DLGAP1: variants seen among roughly 807,000 people sequenced by gnomAD.
DLGAP1 encodes disks large-associated protein 1.
Under a neutral mutation model 90.8 loss-of-function variants are expected in DLGAP1, and 11 were observed. The ratio of observed to expected loss-of-function variants is 0.12; its 90% CI spans 0.08 to 0.20. DLGAP1 has a LOEUF of 0.20. Among genes scored for constraint, DLGAP1 ranks in the 10% least tolerant of loss-of-function variants. The pLI is 1.00. For missense variants in DLGAP1, 1,050 were observed against 1,333.8 expected (o/e 0.79, Z 3.31); for synonymous variants, 558 against 540.7 (o/e 1.03, Z -0.44).
At chr18:3,758,292 G>C (rs150271511) in intron 5 of DLGAP1, among the ~76,000 whole-genome samples, 1 of 152,100 alleles carries the variant, frequency 6.6e-6, no homozygotes, top group Non-Finnish European at 1.5e-5. Context: ...AATAAGTCTT[G>C]GCTTTGTCAT....
chr18:4,428,329 C>T (rs1445421395), intron 1 of DLGAP1, among the ~76,000 whole-genome samples: 1 of 152,098 alleles, frequency 6.6e-6, no homozygotes, highest in African/African-American at 2.4e-5. Context: ...GCCTGTAATC[C>T]CAGCACTTTG....
Position 3,822,106 on chromosome 18 carries a change from A to G in DLGAP1, c.958-7833T>C, listed in dbSNP as rs908129186. The G allele has an allele frequency of 8.3e-6, 5 of 602,910 alleles. No homozygotes were observed. In the African/African-American group the frequency reaches 1.0e-4, roughly 12 times the overall value. 37.3% of individuals were successfully genotyped at this position (602,910 alleles called of 1,614,324 possible). A position where few individuals can be genotyped will look rare whatever the true frequency, so the allele number is the denominator to read the frequency against. ...CCCTAGGCATGATTGTTGCTTCCCA[A>G]TCAGGAGAAGATTTCCCTGGCAACC... On this transcript the variant is annotated intron_variant, in intron 4 of 12. Coordinates refer to ENST00000315677, the MANE Select transcript of DLGAP1 (RefSeq NM_004746.4).
intron 5 of DLGAP1, among the ~76,000 whole-genome samples, chr18:3,804,291 A>T (rs1414935611): frequency 1.3e-5 from 2 of 152,104 alleles, no homozygotes; most frequent in Non-Finnish European, 1.5e-5. Flanking sequence ...AGCCACAGAT[A>T]ATTTTTAAAG....
At chr18:3,823,184 G>T (rs898131583) in intron 4 of DLGAP1, among the ~76,000 whole-genome samples, 3 of 152,158 alleles carry the variant, frequency 2.0e-5, no homozygotes, top group Non-Finnish European at 2.9e-5. Context: ...CAAGAGTTGG[G>T]GTAGGACAAT....
At chr18:3,714,027 G>A (rs1335020014) in intron 7 of DLGAP1, among the ~76,000 whole-genome samples, 1 of 152,136 alleles carries the variant, frequency 6.6e-6, no homozygotes, top group Non-Finnish European at 1.5e-5. Flanking sequence ...AACCAATTCT[G>A]TTCCAATGCT....
chr18:4,129,779 C>A (rs538401314), intron 2 of DLGAP1, among the ~76,000 whole-genome samples: 114 of 152,222 alleles, frequency 7.5e-4, no homozygotes, highest in African/African-American at 2.7e-3. Context: ...ACTCTGATTC[C>A]TTAGGCAAAG....
intron 3 of DLGAP1, among the ~76,000 whole-genome samples, chr18:3,952,378 A>G (rs2073004667): frequency 6.6e-6 from 1 of 152,124 alleles, no homozygotes; most frequent in African/African-American, 2.4e-5. Context: ...TGGGGGGAGG[A>G]TTCCCACTGA....
At chr18:4,438,830 C>T (rs1449596093) in intron 1 of DLGAP1, among the ~76,000 whole-genome samples, 1 of 152,120 alleles carries the variant, frequency 6.6e-6, no homozygotes, top group Non-Finnish European at 1.5e-5. Flanking sequence ...CCATGAAACG[C>T]CTCTCTCATG....
chr18:3,765,042 T>C (rs1236432718), intron 5 of DLGAP1, among the ~76,000 whole-genome samples: 2 of 152,036 alleles, frequency 1.3e-5, no homozygotes, highest in African/African-American at 4.8e-5. Context: ...GTTTGTTGTA[T>C]CTGTTTATGT....
intron 9 of DLGAP1, among the ~76,000 whole-genome samples, chr18:3,549,152 A>G (rs766828448): frequency 6.6e-6 from 1 of 152,242 alleles, no homozygotes; most frequent in Non-Finnish European, 1.5e-5. Context: ...CTGGTTATGA[A>G]AAATAGAAAT....
At chr18:4,180,343 C>G (rs906363298) in intron 1 of DLGAP1, among the ~76,000 whole-genome samples, 1 of 152,124 alleles carries the variant, frequency 6.6e-6, no homozygotes, top group African/African-American at 2.4e-5. Context: ...GACTTTACTA[C>G]TTTTACTCAG....
chr18:4,003,353 G>A (rs1228911370), intron 3 of DLGAP1, among the ~76,000 whole-genome samples: 1 of 151,730 alleles, frequency 6.6e-6, no homozygotes, highest in East Asian at 1.9e-4. Flanking sequence ...TAAGGGATAG[G>A]AGAAAAGAGA....
intron 1 of DLGAP1, among the ~76,000 whole-genome samples, chr18:4,449,150 T>C (rs1315079339): frequency 2.0e-5 from 3 of 151,818 alleles, no homozygotes; most frequent in Non-Finnish European, 2.9e-5. Flanking sequence ...AGGTGAGGGG[T>C]AGGAAAGAAG....
At chr18:4,300,246 A>G (rs1158796293) in intron 1 of DLGAP1, among the ~76,000 whole-genome samples, 1 of 152,194 alleles carries the variant, frequency 6.6e-6, no homozygotes, top group Non-Finnish European at 1.5e-5. Context: ...GTTTTAATAC[A>G]TATTTTGTCT....
intron 7 of DLGAP1, among the ~76,000 whole-genome samples, chr18:3,725,779 C>T (rs2062149992): frequency 6.6e-6 from 1 of 152,160 alleles, no homozygotes; most frequent in African/African-American, 2.4e-5. Flanking sequence ...TCCGTAACTT[C>T]ATCCTTAATT....
At position 3,727,402 on chromosome 18, in the gene DLGAP1, A is replaced by G. The variant is rs375358077; in HGVS notation, c.1591+1733T>C. On this transcript the variant is annotated intron_variant, in intron 7 of 12. Coordinates refer to ENST00000315677, the MANE Select transcript of DLGAP1 (RefSeq NM_004746.4). This position sits in a 1 kb window ranked among gnomAD's most constrained non-coding sequence, Gnocchi z 4.7. ...CAAGTCTCTTGCTACTTTATCTGCA[A>G]CACCGTTTCCTGAGGCGGAAGGAGT... Among the ~76,000 whole-genome samples, 184 of 152,302 alleles carry G rather than the reference A, an allele frequency of 1.2e-3. No homozygotes were observed. The highest frequency in any genetic ancestry group is 4.4e-3 in the African/African-American group (181 of 41,546).
At chr18:4,132,675 G>C (rs2076334887) in intron 2 of DLGAP1, among the ~76,000 whole-genome samples, 1 of 152,138 alleles carries the variant, frequency 6.6e-6, no homozygotes, top group Non-Finnish European at 1.5e-5. Flanking sequence ...GTGTCCTGCT[G>C]ATTTCTGGCA....
chr18:4,101,372 T>C (rs1042779206), intron 2 of DLGAP1, among the ~76,000 whole-genome samples: 2 of 152,164 alleles, frequency 1.3e-5, no homozygotes, highest in African/African-American at 2.4e-5. Context: ...CTGCCTTATA[T>C]GGGTGCAGTT....
At chr18:4,224,768 G>C (rs1011135173) in intron 1 of DLGAP1, among the ~76,000 whole-genome samples, 3 of 152,050 alleles carry the variant, frequency 2.0e-5, no homozygotes, top group Non-Finnish European at 4.4e-5. Context: ...GGGCCAGGGG[G>C]ACTCACTACA....
Sources: allele counts gnomAD v4.1 joint callset (sites outside exome capture counted in the v4.1 genomes callset), GRCh38; gene constraint gnomAD v4.1.1; non-coding constraint Gnocchi (gnomAD v3.1); transcripts MANE v1.5; gene names NCBI Gene and HGNC (gene_info 2026-07-23, HGNC 2026-07-21).